Variants in WWOX observed in about 807,000 individuals in gnomAD.
WWOX encodes the protein WW domain containing oxidoreductase.
WWOX carries 69 observed loss-of-function variants against 46.2 expected under a neutral mutation model. The observed-to-expected ratio is 1.49, with a 90% CI of 1.23 to 1.82. The LOEUF (loss-of-function observed/expected upper bound fraction) is 1.82. Among genes scored for constraint, WWOX ranks in the 40% most tolerant of loss-of-function variants. The pLI is 0.00. For missense variants in WWOX, 919 were observed against 542.6 expected (o/e 1.69, Z -6.89); for synonymous variants, 359 against 202.6 (o/e 1.77, Z -6.56).
intron 8 of WWOX, among the ~76,000 whole-genome samples, chr16:79,176,773 C>T (rs896675524): frequency 6.6e-6 from 1 of 152,096 alleles, no homozygotes; most frequent in Non-Finnish European, 1.5e-5. Context: ...AATATAGAGT[C>T]ATAGGAAACC....
Position 78,887,134 on chromosome 16 carries a change from G to A in WWOX, c.1057-324474G>A, listed in dbSNP as rs1055792424. Among the ~76,000 whole-genome samples the A allele has an allele frequency of 7.6e-4, 103 of 134,996 alleles. 1 individual carries two copies. Among genetic ancestry groups the A allele is most frequent in the African/African-American group, 2.7e-3 (98 of 36,222 alleles). 88.6% of individuals were successfully genotyped at this position (134,996 alleles called of 152,430 possible). ...TGTGTGTGTGTGTGTGTGTGTGTGT[G>A]TATACCTAGTCTAGGGCTAGGTTTG... is the stretch of plus-strand genomic sequence containing the variant. On this transcript the variant is annotated intron_variant, in intron 8 of 8. Coordinates refer to ENST00000566780, the MANE Select transcript of WWOX (RefSeq NM_016373.4).
intron 8 of WWOX, among the ~76,000 whole-genome samples, chr16:79,026,219 C>T (rs1049568058): frequency 6.6e-6 from 1 of 151,736 alleles, no homozygotes; most frequent in Non-Finnish European, 1.5e-5. Flanking sequence ...AGGCCCTTTT[C>T]AGCCCTGTTG....
At chr16:78,930,448 ATTTTT>A (rs71140847) in intron 8 of WWOX, among the ~76,000 whole-genome samples, 1 of 106,576 alleles carries the variant, frequency 9.4e-6, no homozygotes, top group African/African-American at 3.7e-5. Flanking sequence ...CAGCTAGCTA[ATTTTT>A]TTTTTTTTTT....
intron 8 of WWOX, among the ~76,000 whole-genome samples, chr16:78,670,113 G>T (rs2047424820): frequency 6.6e-6 from 1 of 151,676 alleles, no homozygotes; most frequent in African/African-American, 2.4e-5. Context: ...TCTTTGTTGT[G>T]AGGGCTTCTC....
rs75188481 is a variant in WWOX, at chr16:78,217,569, C to A, written c.516+53280C>A. Among the ~76,000 whole-genome samples, 1,366 of 152,186 alleles carry A rather than the reference C, an allele frequency of 9.0e-3. 20 individuals carry two copies. The highest frequency in any genetic ancestry group is 0.032 in the African/African-American group (1,308 of 41,506). On this transcript the variant is annotated intron_variant, in intron 5 of 8. Transcript: ENST00000566780. ...TGAGAGCTGAACCACTCTCTTCTCC[C>A]AGATGCTGGGCTTCCGACCTTAATA...
chr16:78,227,037 C>T (rs988526059), intron 5 of WWOX, among the ~76,000 whole-genome samples: 1 of 152,184 alleles, frequency 6.6e-6, no homozygotes, highest in Non-Finnish European at 1.5e-5. Context: ...TTCTTTAGTT[C>T]ACAATGCCAG....
intron 8 of WWOX, among the ~76,000 whole-genome samples, chr16:79,200,475 T>G (rs1475298885): frequency 2.0e-5 from 3 of 152,132 alleles, no homozygotes; most frequent in Admixed American, 2.0e-4. Flanking sequence ...CCCCGTTGCT[T>G]GGCCGTGAGT....
chr16:78,514,898 T>A (rs2085452435), intron 8 of WWOX, among the ~76,000 whole-genome samples: 1 of 152,148 alleles, frequency 6.6e-6, no homozygotes, highest in Non-Finnish European at 1.5e-5. Flanking sequence ...GTTTCATATA[T>A]CAGGTAGCAA....
In WWOX at chr16:79,152,595, C is replaced by T. The variant is rs552643391; in HGVS notation, c.1057-59013C>T. ...TTGAGGCAGGAGAATCGCTTGAACC[C>T]GGGAGGCAGAGGTTGCAGTGAGCCG... On this transcript the variant is annotated intron_variant, in intron 8 of 8. Transcript: ENST00000566780. Among the ~76,000 whole-genome samples, 14 of 151,528 alleles carry T rather than the reference C, an allele frequency of 9.2e-5. No homozygotes were observed. In the East Asian group the frequency reaches 1.8e-3, roughly 19 times the overall value.
chr16:78,623,754 G>A (rs569330756), intron 8 of WWOX, among the ~76,000 whole-genome samples: 1 of 149,344 alleles, frequency 6.7e-6, no homozygotes, highest in South Asian at 2.1e-4. Context: ...AAAAAAAAGT[G>A]TACTTTTTGA....
At position 78,636,669 on chromosome 16, in the gene WWOX, G is replaced by C. The variant is rs568395228; in HGVS notation, c.1056+203917G>C. On this transcript the variant is annotated intron_variant, in intron 8 of 8. Transcript: ENST00000566780. ...AGTTTCTGGAATTCTAAGAGGGCCT[G>C]AAAGGTAAGTGCTCACTTACTGAGG... Among the ~76,000 whole-genome samples, 6 of 152,288 alleles carry C rather than the reference G, an allele frequency of 3.9e-5. No individual in the cohort carries two copies. In the South Asian group the frequency reaches 1.2e-3, roughly 32 times the overall value.
At chr16:78,758,635 C>A (rs1478186404) in intron 8 of WWOX, among the ~76,000 whole-genome samples, 1 of 152,190 alleles carries the variant, frequency 6.6e-6, no homozygotes, top group South Asian at 2.1e-4. Context: ...TCCCGTTCTA[C>A]AGCATGGAGG....
chr16:78,683,571 A>G (rs966476209), intron 8 of WWOX, among the ~76,000 whole-genome samples: 41 of 132,260 alleles, frequency 3.1e-4, no homozygotes, highest in Admixed American at 3.3e-4. Context: ...TAAAAAAAAA[A>G]TTACATGAAA....
intron 8 of WWOX, among the ~76,000 whole-genome samples, chr16:78,593,716 C>G (rs1434593595): frequency 7.7e-6 from 1 of 129,920 alleles, no homozygotes; most frequent in Non-Finnish European, 1.6e-5. Flanking sequence ...GGAAAACTGC[C>G]TGTTGTAGTT....
intron 8 of WWOX, among the ~76,000 whole-genome samples, chr16:78,957,120 T>C (rs985384854): frequency 7.2e-5 from 11 of 152,192 alleles, no homozygotes; most frequent in Admixed American, 4.6e-4. Context: ...TCCCACTTTA[T>C]ATGCAGAAGG....
intron 8 of WWOX, among the ~76,000 whole-genome samples, chr16:79,169,866 C>G (rs934683877): frequency 2.6e-5 from 4 of 152,078 alleles, no homozygotes; most frequent in Non-Finnish European, 4.4e-5. Flanking sequence ...CAGGGAAGTT[C>G]TTACAGCGGG....
At chr16:78,845,002 C>T (rs1045086070) in intron 8 of WWOX, among the ~76,000 whole-genome samples, 2 of 152,202 alleles carry the variant, frequency 1.3e-5, no homozygotes, top group Non-Finnish European at 2.9e-5. Context: ...AAGGCTGTCT[C>T]CAACCATGCG....
chr16:78,248,044 C>T (rs1247699887), intron 5 of WWOX, among the ~76,000 whole-genome samples: 1 of 152,162 alleles, frequency 6.6e-6, no homozygotes, highest in Non-Finnish European at 1.5e-5. Flanking sequence ...TTGGCATGAG[C>T]TGGGCAGAGT....
At chr16:78,303,174 C>CT (rs2151868398) in intron 5 of WWOX, among the ~76,000 whole-genome samples, 1 of 152,210 alleles carries the variant, frequency 6.6e-6, no homozygotes. Flanking sequence ...TATCTTTGCC[C>CT]TTTTTTCCCC....
Sources: gnomAD v4.1 joint callset for allele counts (sites outside exome capture counted in the v4.1 genomes callset) on GRCh38, gnomAD v4.1.1 for gene constraint, MANE v1.5 for transcripts, NCBI Gene and HGNC (gene_info 2026-07-23, HGNC 2026-07-21) for gene names.